ACYP2: variants seen among roughly 807,000 people sequenced by gnomAD.
ACYP2 encodes acylphosphatase-2.
A neutral mutation model predicts 11.2 loss-of-function variants in ACYP2; 12 were observed. The ratio of observed to expected loss-of-function variants is 1.08; its 90% CI spans 0.69 to 1.74. The LOEUF is 1.74. Among genes scored for constraint, ACYP2 ranks in the 40% most tolerant of loss-of-function variants. The pLI, the probability that ACYP2 is intolerant of heterozygous loss-of-function variation, is 0.00. For missense variants in ACYP2, 134 were observed against 101.9 expected (o/e 1.31, Z -1.35); for synonymous variants, 43 against 32.2 (o/e 1.33, Z -1.13).
At chr2:54,200,162 C>A (rs1334555995) in intron 6 of ACYP2, among the ~76,000 whole-genome samples, 1 of 152,148 alleles carries the variant, frequency 6.6e-6, no homozygotes, top group African/African-American at 2.4e-5. Flanking sequence ...AGTTTGGTAT[C>A]TCTCAATTGC....
chr2:54,176,240 A>G (rs1310237175), intron 6 of ACYP2, among the ~76,000 whole-genome samples: 1 of 152,210 alleles, frequency 6.6e-6, no homozygotes, highest in Non-Finnish European at 1.5e-5. Flanking sequence ...GTGAATGAAA[A>G]TAATGCATGC....
chr2:54,104,487 T>C lies in ACYP2; in HGVS notation c.278-30966T>C, dbSNP rs569843868. 2.0e-5 allele frequency among the ~76,000 whole-genome samples: 3 copies of C among 152,280 alleles called. No individual in the cohort carries two copies. The East Asian group carries it at 5.8e-4, about 29-fold the overall frequency. On this transcript the variant is annotated intron_variant, in intron 4 of 6. Transcript: ENST00000607452. ...CCTTTTGTCACCTTTGTAAAGAACT[T>C]TTCCAGGTTTTGTTAAGTAGACATT...
intron 6 of ACYP2, among the ~76,000 whole-genome samples, chr2:54,172,226 TAA>T (rs1352943063): frequency 1.3e-5 from 2 of 151,902 alleles, no homozygotes; most frequent in East Asian, 3.9e-4. Context: ...TCTAGAAAAA[TAA>T]AAATTATATT....
At chr2:54,091,142 A>T (rs1400855476) in intron 4 of ACYP2, among the ~76,000 whole-genome samples, 2 of 152,190 alleles carry the variant, frequency 1.3e-5, no homozygotes, top group African/African-American at 4.8e-5. Flanking sequence ...GTCTTAACTC[A>T]ACATTTCAAA....
At chr2:53,992,127 CCTT>C (rs1323588790) in intron 2 of ACYP2, among the ~76,000 whole-genome samples, 1 of 148,884 alleles carries the variant, frequency 6.7e-6, no homozygotes, top group Non-Finnish European at 1.5e-5. Flanking sequence ...TCCCTTTCTT[CCTT>C]CTTTCTTCCT....
chr2:54,121,581 G>A (rs531374240), intron 4 of ACYP2, among the ~76,000 whole-genome samples: 90 of 152,222 alleles, frequency 5.9e-4, no homozygotes, highest in Non-Finnish European at 8.2e-4. Context: ...TGATTTAGAA[G>A]TACACATTTT....
chr2:54,068,793 A>C (rs75340524), intron 4 of ACYP2, among the ~76,000 whole-genome samples: 1 of 152,042 alleles, frequency 6.6e-6, no homozygotes, highest in South Asian at 2.1e-4. Context: ...AGGAGGCTGC[A>C]TTCTTCTCAA....
intron 4 of ACYP2, among the ~76,000 whole-genome samples, chr2:54,057,720 A>G (rs1290429692): frequency 6.6e-6 from 1 of 152,150 alleles, no homozygotes; most frequent in Non-Finnish European, 1.5e-5. Context: ...AAAAATATAT[A>G]TAATACTGTT....
intron 6 of ACYP2, among the ~76,000 whole-genome samples, chr2:54,234,670 G>A (rs1230660689): frequency 6.6e-6 from 1 of 152,166 alleles, no homozygotes; most frequent in Non-Finnish European, 1.5e-5. Flanking sequence ...TTCAATTAAG[G>A]CATGAACAAG....
chr2:54,098,461 C>T (rs1678712893), intron 4 of ACYP2, among the ~76,000 whole-genome samples: 1 of 152,050 alleles, frequency 6.6e-6, no homozygotes. Context: ...GGGCAGTTGT[C>T]CCATGGAATG....
rs191318844 is a variant in ACYP2 at position 54,278,117 on chromosome 2, A to T, written c.405-26571A>T. On this transcript the variant is annotated intron_variant, in intron 6 of 6. Transcript: ENST00000607452. The stretch of plus-strand genomic sequence containing the variant: ...CTCAGCCTCCTGAGTAGCTGGGACT[A>T]CAGGCGCCCGCCACCATGCCGAGCT... Among the ~76,000 whole-genome samples, 490 of 152,244 alleles carry T rather than the reference A, an allele frequency of 3.2e-3. 1 individual carries two copies. The highest frequency in any genetic ancestry group is 0.011 in the African/African-American group (470 of 41,526).
intron 2 of ACYP2, among the ~76,000 whole-genome samples, chr2:53,997,868 G>A (rs985159712): frequency 6.6e-6 from 1 of 152,072 alleles, no homozygotes; most frequent in Non-Finnish European, 1.5e-5. Flanking sequence ...ACTGTTTCAC[G>A]GAAATGAATG....
At chr2:54,121,950 A>G (rs1471691097) in intron 4 of ACYP2, among the ~76,000 whole-genome samples, 2 of 152,244 alleles carry the variant, frequency 1.3e-5, no homozygotes, top group Admixed American at 6.5e-5. Flanking sequence ...TGGAGAAGAA[A>G]TTGTAGTGTG....
chr2:54,018,898 C>G lies in ACYP2; in HGVS notation c.63-32060C>G, dbSNP rs538333002. Among the ~76,000 whole-genome samples, 139 of 152,000 alleles carry G rather than the reference C, an allele frequency of 9.1e-4. No individual in the cohort carries two copies. In the South Asian group the frequency reaches 0.027, roughly 29 times the overall value. ...GAGTAGCTGGGATTACAGGTGTGCA[C>G]CACCACACCTGGCTAATTTTTGTAT... On this transcript the variant is annotated intron_variant, in intron 2 of 6. Transcript: ENST00000607452.
At chr2:54,192,446 A>G (rs528072302) in intron 6 of ACYP2, among the ~76,000 whole-genome samples, 1 of 152,320 alleles carries the variant, frequency 6.6e-6, no homozygotes, top group Admixed American at 6.5e-5. Flanking sequence ...AAAATTAAAA[A>G]TTACTAGTCT....
chr2:54,042,222 T>C (rs2104563933), intron 2 of ACYP2, among the ~76,000 whole-genome samples: 1 of 152,288 alleles, frequency 6.6e-6, no homozygotes, highest in Non-Finnish European at 1.5e-5. Flanking sequence ...GTCAGGCTGG[T>C]CTCGAACTCT....
chr2:54,198,342 C>A (rs1455401649), intron 6 of ACYP2, among the ~76,000 whole-genome samples: 1 of 151,926 alleles, frequency 6.6e-6, no homozygotes, highest in Non-Finnish European at 1.5e-5. Context: ...AAAGAACACT[C>A]TGGCTGCTGT....
chr2:54,052,096 G>A (rs1236779248), intron 3 of ACYP2, among the ~76,000 whole-genome samples: 2 of 140,650 alleles, frequency 1.4e-5, no homozygotes, highest in African/African-American at 5.2e-5. Flanking sequence ...GGAAGAGGAG[G>A]AAGATGAAGA....
At chr2:54,037,145 C>T (rs1674944547) in intron 2 of ACYP2, among the ~76,000 whole-genome samples, 1 of 152,206 alleles carries the variant, frequency 6.6e-6, no homozygotes, top group Non-Finnish European at 1.5e-5. Flanking sequence ...CAGAATCTCG[C>T]TCTGTCACCC....
Sources: allele counts gnomAD v4.1 joint callset (sites outside exome capture counted in the v4.1 genomes callset), GRCh38; gene constraint gnomAD v4.1.1; transcripts MANE v1.5; gene names NCBI Gene and HGNC (gene_info 2026-07-23, HGNC 2026-07-21).